MACROD1: variants seen among roughly 807,000 people sequenced by gnomAD.
The protein encoded by MACROD1 is ADP-ribose glycohydrolase MACROD1.
MACROD1 carries 31 observed loss-of-function variants against 41.4 expected under a neutral mutation model. The ratio of observed to expected loss-of-function variants is 0.75; its 90% confidence interval spans 0.56 to 1.01. The LOEUF (loss-of-function observed/expected upper bound fraction) is 1.01, where lower values mean the gene tolerates loss of function less well. Ranked by LOEUF, MACROD1 falls within the 50% of genes least tolerant of loss-of-function variation. The pLI, the probability that MACROD1 is intolerant of heterozygous loss-of-function variation, is 0.00. For synonymous variants in MACROD1, 252 were observed against 203.4 expected (o/e 1.24, Z -2.03); for missense variants, 473 against 460.0 (o/e 1.03, Z -0.26).
rs200728424 is a variant in MACROD1, at chr11:64,105,384, G to A, written c.517+45855C>T. On this transcript the variant is annotated intron_variant, in intron 3 of 10. Transcript: ENST00000255681. Reference sequence around the variant, plus strand: ...GCTCAGTGGCTCTGTGCAAAGGGAGGCAAGAAACAAACGCTCTGGGCAGAC... The same window carrying A: ...GCTCAGTGGCTCTGTGCAAAGGGAGACAAGAAACAAACGCTCTGGGCAGAC... Among the ~76,000 whole-genome samples, 15 of 152,328 alleles carry A rather than the reference G, an allele frequency of 9.8e-5. No individual in the cohort carries two copies. The East Asian group carries it at 2.5e-3, about 25-fold the overall frequency.
intron 3 of MACROD1, among the ~76,000 whole-genome samples, chr11:64,087,501 T>C (rs533463386): frequency 6.6e-6 from 1 of 152,296 alleles, no homozygotes; most frequent in Admixed American, 6.5e-5. Context: ...TCTCCACAGT[T>C]GCCACCCCTT....
intron 3 of MACROD1, among the ~76,000 whole-genome samples, chr11:64,099,380 A>G (rs893938114): frequency 3.9e-5 from 6 of 152,250 alleles, no homozygotes; most frequent in Non-Finnish European, 5.9e-5. Flanking sequence ...TGTCTTGTAC[A>G]ATGCCTGGAG....
chr11:64,084,418 G>A (rs1022734412), intron 3 of MACROD1, among the ~76,000 whole-genome samples: 6 of 152,064 alleles, frequency 3.9e-5, no homozygotes, highest in Non-Finnish European at 7.4e-5. Flanking sequence ...CCTTTCCCGC[G>A]AAGCCCCCTC....
At chr11:64,078,622 C>T (rs1167530953) in intron 3 of MACROD1, among the ~76,000 whole-genome samples, 1 of 152,162 alleles carries the variant, frequency 6.6e-6, no homozygotes, top group Non-Finnish European at 1.5e-5. Context: ...CTGGCCCTCT[C>T]CTGAGGTGAT....
At chr11:64,016,405 C>T (rs184869574) in intron 3 of MACROD1, among the ~76,000 whole-genome samples, 3 of 152,372 alleles carry the variant, frequency 2.0e-5, no homozygotes, top group Admixed American at 2.0e-4. Context: ...GCCCCTCTGC[C>T]GAGGAGTCCT....
At position 64,064,904 on chromosome 11, in the gene MACROD1, G is replaced by T. The variant is rs1943968876; in HGVS notation, c.518-49623C>A. 6.6e-6 allele frequency among the ~76,000 whole-genome samples: 1 copy of T among 152,122 alleles called. No individual in the cohort carries two copies. Among genetic ancestry groups the T allele is most frequent in the Non-Finnish European group, 1.5e-5 (1 of 68,024 alleles). On this transcript the variant is annotated intron_variant, in intron 3 of 10. Coordinates refer to ENST00000255681, the MANE Select transcript of MACROD1 (RefSeq NM_014067.4). This position sits in a 1 kb window ranked among gnomAD's most constrained non-coding sequence, Gnocchi z 4.5. ...ATGAGTGCTTCCAGAGCCCACCTATGACGTGCCAGGCAAGGCGGCAGGCAG... is the reference window on the plus strand; with the variant it reads ...ATGAGTGCTTCCAGAGCCCACCTATTACGTGCCAGGCAAGGCGGCAGGCAG...
At chr11:64,041,199 TAAAAAAAAAAAAAAAAA>T (rs71045724) in intron 3 of MACROD1, among the ~76,000 whole-genome samples, 2 of 21,600 alleles carry the variant, frequency 9.3e-5, no homozygotes, top group South Asian at 3.8e-3. Context: ...TAGCAAACTG[TAAAAAAAAAAAAAAAAA>T]AAAAAAAAAA....
intron 4 of MACROD1, among the ~76,000 whole-genome samples, chr11:64,014,383 C>A (rs549480327): frequency 2.6e-5 from 4 of 152,248 alleles, no homozygotes; most frequent in Non-Finnish European, 4.4e-5. Flanking sequence ...CCTGGCTGGT[C>A]ACCGACAGCT....
At chr11:64,087,174 G>C (rs550816456) in intron 3 of MACROD1, 1 of 152,208 alleles carries the variant, frequency 6.6e-6, no homozygotes, top group African/African-American at 2.4e-5. Context: ...ATGACGGCAC[G>C]GTTCAGTGAG....
chr11:64,158,135 C>T (rs1431049147), intron 1 of MACROD1, among the ~76,000 whole-genome samples: 2 of 152,222 alleles, frequency 1.3e-5, no homozygotes, highest in Non-Finnish European at 2.9e-5. Context: ...TGAAATCCCA[C>T]GGGGGCTGAA....
chr11:64,000,059 T>C (rs1942793641), intron 5 of MACROD1, 168 bp downstream of exon 5: 1 of 641,488 alleles, frequency 1.6e-6, no homozygotes, highest in East Asian at 2.8e-5. Context: ...GTCTCCCCCA[T>C]GTGCTTCCTG....
rs921664497 is a variant in MACROD1, at chr11:64,096,725, C to T, written c.517+54514G>A. Reference sequence around the variant, plus strand: ...AGCCACCGCACCCTACCCTCTCCCCCTTTTGTGCCTAGAGTTGCTCTGTGA... The same window carrying T: ...AGCCACCGCACCCTACCCTCTCCCCTTTTTGTGCCTAGAGTTGCTCTGTGA... On this transcript the variant is annotated intron_variant, in intron 3 of 10. Coordinates refer to ENST00000255681, the MANE Select transcript of MACROD1 (RefSeq NM_014067.4). The surrounding 1 kb of genome is among the most constrained non-coding windows in gnomAD (Gnocchi z 4.6). Among the ~76,000 whole-genome samples the T allele has an allele frequency of 6.6e-6, 1 of 152,216 alleles. No individual in the cohort carries two copies. Among genetic ancestry groups the T allele is most frequent in the Non-Finnish European group, 1.5e-5 (1 of 68,026 alleles).
chr11:64,047,913 AAAG>A (rs1157437252), intron 3 of MACROD1, among the ~76,000 whole-genome samples: 3 of 151,546 alleles, frequency 2.0e-5, no homozygotes, highest in African/African-American at 7.3e-5. Flanking sequence ...AAAAAAAAAA[AAAG>A]GAAGGAAGCA....
intron 3 of MACROD1, among the ~76,000 whole-genome samples, chr11:64,040,724 G>T (rs1038379485): frequency 6.6e-6 from 1 of 152,178 alleles, no homozygotes; most frequent in East Asian, 1.9e-4. Context: ...AGGAGAGTCC[G>T]CAGAAACCCT....
chr11:64,117,773 C>T, intron 3 of MACROD1: 1 of 1,614,136 alleles, frequency 6.2e-7, no homozygotes, highest in Non-Finnish European at 8.5e-7. Context: ...CCAAGTCCAC[C>T]TACATCATCT....
In MACROD1 at chr11:64,143,801, C is replaced by CAA. The variant is rs1555033090; in HGVS notation, c.517+7436_517+7437dup. Among the ~76,000 whole-genome samples, 142 of 144,964 alleles carry CAA rather than the reference C, an allele frequency of 9.8e-4. 1 individual carries two copies. Among genetic ancestry groups the CAA allele is most frequent in the Non-Finnish European group, 1.4e-3 (92 of 64,886 alleles). ...ACACACACACACACACACACACACA[C>CAA]AATTTCCTGGGGGCTCTGGAGCTCG... On this transcript the variant is annotated intron_variant, in intron 3 of 10. Coordinates refer to ENST00000255681, the MANE Select transcript of MACROD1 (RefSeq NM_014067.4).
At chr11:64,065,249 G>A (rs553419824) in intron 3 of MACROD1, among the ~76,000 whole-genome samples, 3 of 152,298 alleles carry the variant, frequency 2.0e-5, no homozygotes, top group South Asian at 2.1e-4. Context: ...TTGAGCGATC[G>A]GAGCAGTGAG....
rs1944325244 is a variant in MACROD1, at chr11:64,082,664, C to T, written c.518-67383G>A. Among the ~76,000 whole-genome samples, 1 of 152,088 alleles carries T rather than the reference C, an allele frequency of 6.6e-6. No individual in the cohort carries two copies. The highest frequency in any genetic ancestry group is 1.5e-5 in the Non-Finnish European group (1 of 67,982). On this transcript the variant is annotated intron_variant, in intron 3 of 10. Coordinates refer to ENST00000255681, the MANE Select transcript of MACROD1 (RefSeq NM_014067.4). This position sits in a 1 kb window ranked among gnomAD's most constrained non-coding sequence, Gnocchi z 4.5. ...GGGTGGGGACCCCCAGCCTGGAGCC[C>T]CAGACCCCTGTCCTGCTCCACCCTG... is the stretch of plus-strand genomic sequence containing the variant.
At chr11:64,042,951 A>C (rs1414792497) in intron 3 of MACROD1, among the ~76,000 whole-genome samples, 2 of 152,202 alleles carry the variant, frequency 1.3e-5, no homozygotes, top group Admixed American at 6.5e-5. Context: ...CACAGAGTGG[A>C]GACACGCCCT....
Sources: gnomAD v4.1 joint callset for allele counts (sites outside exome capture counted in the v4.1 genomes callset) on GRCh38, gnomAD v4.1.1 for gene constraint, Gnocchi (gnomAD v3.1) non-coding constraint, MANE v1.5 for transcripts, NCBI Gene and HGNC (gene_info 2026-07-23, HGNC 2026-07-21) for gene names.